The following STK38L variants were observed in gnomAD, a reference collection of about 807,000 sequenced individuals.
STK38L encodes serine/threonine-protein kinase 38-like.
A neutral mutation model predicts 59.7 loss-of-function variants in STK38L; 28 were observed. The ratio of observed to expected loss-of-function variants is 0.47; its 90% CI spans 0.35 to 0.64. The LOEUF (loss-of-function observed/expected upper bound fraction) is 0.64, where lower values mean the gene tolerates loss of function less well. Among genes scored for constraint, STK38L ranks in the 30% least tolerant of loss-of-function variants. STK38L has a pLI of 0.01. For synonymous variants in STK38L, 162 were observed against 176.8 expected (o/e 0.92, Z 0.66); for missense variants, 314 against 555.8 (o/e 0.56, Z 4.37).
At chr12:27,303,102 G>A (rs950805634) in intron 3 of STK38L, among the ~76,000 whole-genome samples, 12 of 150,836 alleles carry the variant, frequency 8.0e-5, no homozygotes, top group African/African-American at 2.2e-4. Flanking sequence ...ACCCGCCCCC[G>A]ACGCTGACAA....
intron 1 of STK38L, among the ~76,000 whole-genome samples, chr12:27,275,342 C>CT (rs34162442): frequency 0.64 from 79,609 of 124,742 alleles, 27,120 homozygotes; most frequent in Non-Finnish European, 0.75. Context: ...TAGACTGCAT[C>CT]TTTTTTTTTT....
Position 27,319,385 on chromosome 12 carries a change from T to A in STK38L, c.1137T>A (p.Gly379=). ...ATAGTGGAGTAGAAGAAATAAAAGGTCATCCCTTTTTTGAAGGTGTCGACT... is the reference window on the plus strand; with the variant it reads ...ATAGTGGAGTAGAAGAAATAAAAGGACATCCCTTTTTTGAAGGTGTCGACT... ...IGNSGVEEIK[G]HPFFEGVDWE... The change falls in exon 12 of 14, where the codon GGT becomes GGA. Residue 379 remains glycine, a synonymous_variant. Coordinates refer to ENST00000389032, the MANE Select transcript of STK38L (RefSeq NM_015000.4). 1 of 1,613,524 alleles carries A rather than the reference T, an allele frequency of 6.2e-7. No homozygotes were observed. The highest frequency in any genetic ancestry group is 8.5e-7 in the Non-Finnish European group (1 of 1,179,662).
rs1010366615 is a variant in STK38L, at chr12:27,323,654, G to C, written c.*1199G>C. ...CTTTGATAGAGGTCAGCTTATTAAAGGGCAATATTGTTCTTGTTTAGCTAC... is the reference window on the plus strand; with the variant it reads ...CTTTGATAGAGGTCAGCTTATTAAACGGCAATATTGTTCTTGTTTAGCTAC... On this transcript the variant is annotated 3_prime_UTR_variant, in exon 14 of 14. Transcript: ENST00000389032. The C allele has an allele frequency of 6.6e-6, 1 of 152,538 alleles. No individual in the cohort carries two copies. Among genetic ancestry groups the C allele is most frequent in the Non-Finnish European group, 1.5e-5 (1 of 68,004 alleles). The allele number at this position is 152,538 out of a possible 1,614,324, so 9.4% of individuals were successfully genotyped here.
At chr12:27,254,769 C>T (rs1386334054) in intron 1 of STK38L, among the ~76,000 whole-genome samples, 13 of 151,938 alleles carry the variant, frequency 8.6e-5, no homozygotes, top group Admixed American at 4.6e-4. Context: ...GGAGGAAAAG[C>T]GGGCTTGTGG....
chr12:27,271,851 C>T (rs1308819308), intron 1 of STK38L, among the ~76,000 whole-genome samples: 9 of 152,266 alleles, frequency 5.9e-5, no homozygotes, highest in Middle Eastern at 3.4e-3. Context: ...AGGCGCACAC[C>T]ACCGTGCCTG....
chr12:27,319,387 A>T lies in STK38L; in HGVS notation c.1139A>T (p.His380Leu). Reference sequence around the variant, plus strand: ...AGTGGAGTAGAAGAAATAAAAGGTCATCCCTTTTTTGAAGGTGTCGACTGG... The same window carrying T: ...AGTGGAGTAGAAGAAATAAAAGGTCTTCCCTTTTTTGAAGGTGTCGACTGG... ...GNSGVEEIKG[H>L]PFFEGVDWEH... The change falls in exon 12 of 14, where the codon CAT (histidine) becomes CTT (leucine). Residue 380 changes from histidine to leucine, a missense_variant. By Grantham distance (99) the His-to-Leu change is moderately conservative. Around this residue, in one of 3 missense-constraint regions of STK38L, gnomAD observed 94 missense variants for 142.2 expected, o/e 0.66. Coordinates refer to ENST00000389032, the MANE Select transcript of STK38L (RefSeq NM_015000.4). The T allele has an allele frequency of 1.9e-6, 3 of 1,613,588 alleles. No homozygotes were observed. The highest frequency in any genetic ancestry group is 2.5e-6 in the Non-Finnish European group (3 of 1,179,678).
At chr12:27,297,456 T>G (rs1033055576) in intron 1 of STK38L, among the ~76,000 whole-genome samples, 1 of 152,248 alleles carries the variant, frequency 6.6e-6, no homozygotes, top group African/African-American at 2.4e-5. Flanking sequence ...GTCTATATTA[T>G]ATATGGATGC....
At chr12:27,249,727 G>A (rs1942931916) in intron 1 of STK38L, among the ~76,000 whole-genome samples, 1 of 152,118 alleles carries the variant, frequency 6.6e-6, no homozygotes, top group Non-Finnish European at 1.5e-5. Flanking sequence ...TGATTCTCTG[G>A]CCATTTATAC....
chr12:27,293,016 A>C (rs1943930948), intron 1 of STK38L, among the ~76,000 whole-genome samples: 1 of 152,100 alleles, frequency 6.6e-6, no homozygotes, highest in South Asian at 2.1e-4. Flanking sequence ...CATAGGCGCC[A>C]CCATAGTGCA....
intron 9 of STK38L, among the ~76,000 whole-genome samples, chr12:27,315,727 G>A (rs1944569718): frequency 6.6e-6 from 1 of 152,200 alleles, no homozygotes; most frequent in African/African-American, 2.4e-5. Flanking sequence ...CAGCAAGTAA[G>A]GTGGTTGTGA....
chr12:27,276,099 AT>A (rs1375192294), intron 1 of STK38L, among the ~76,000 whole-genome samples: 1 of 152,164 alleles, frequency 6.6e-6, no homozygotes, highest in African/African-American at 2.4e-5. Flanking sequence ...AAAAAACTTC[AT>A]TATGGAAAAA....
At chr12:27,273,040 T>G (rs1943457232) in intron 1 of STK38L, among the ~76,000 whole-genome samples, 1 of 152,104 alleles carries the variant, frequency 6.6e-6, no homozygotes, top group Non-Finnish European at 1.5e-5. Flanking sequence ...TCAGAAATAC[T>G]TACTGATTTT....
At chr12:27,295,033 T>C (rs200033015) in intron 1 of STK38L, among the ~76,000 whole-genome samples, 2 of 152,178 alleles carry the variant, frequency 1.3e-5, no homozygotes, top group East Asian at 3.8e-4. Context: ...TCCTGAAACA[T>C]AGAACATGAG....
intron 6 of STK38L, 98 bp from the exon 7 acceptor site, chr12:27,314,406 A>G: frequency 9.4e-7 from 1 of 1,066,080 alleles, no homozygotes; most frequent in Non-Finnish European, 1.2e-6. Context: ...GTCTCCAAAA[A>G]AAAAAAAAAA....
chr12:27,283,364 A>G (rs1943701383), intron 1 of STK38L, among the ~76,000 whole-genome samples: 4 of 152,226 alleles, frequency 2.6e-5, no homozygotes, highest in African/African-American at 9.6e-5. Flanking sequence ...TTTAACACAT[A>G]TCAATCAGTC....
intron 1 of STK38L, among the ~76,000 whole-genome samples, chr12:27,276,229 C>A (rs1943534197): frequency 6.6e-6 from 1 of 152,088 alleles, no homozygotes; most frequent in Non-Finnish European, 1.5e-5. Context: ...ATACCTACTC[C>A]CCTTCGCATT....
At chr12:27,318,800 G>A (rs1466150455) in intron 11 of STK38L, among the ~76,000 whole-genome samples, 1 of 152,114 alleles carries the variant, frequency 6.6e-6, no homozygotes, top group Non-Finnish European at 1.5e-5. Context: ...AACCATCCTG[G>A]CTAACATGGT....
At chr12:27,295,020 T>A (rs1255595798) in intron 1 of STK38L, among the ~76,000 whole-genome samples, 1 of 152,218 alleles carries the variant, frequency 6.6e-6, no homozygotes, top group Non-Finnish European at 1.5e-5. Context: ...TTTCTGCATC[T>A]GATCCTGAAA....
At chr12:27,274,371 C>G (rs191787430) in intron 1 of STK38L, among the ~76,000 whole-genome samples, 1 of 152,250 alleles carries the variant, frequency 6.6e-6, no homozygotes, top group Admixed American at 6.5e-5. Flanking sequence ...ACTATCCTCT[C>G]CATTATTTTG....
Sources: allele counts gnomAD v4.1 joint callset (sites outside exome capture counted in the v4.1 genomes callset), GRCh38; gene constraint gnomAD v4.1.1; regional missense constraint gnomAD v4.1.1; transcripts MANE v1.5; gene names NCBI Gene and HGNC (gene_info 2026-07-23, HGNC 2026-07-21).